ZBTB20: variants seen among roughly 807,000 people sequenced by gnomAD.
ZBTB20 encodes the protein zinc finger and BTB domain containing 20.
In ZBTB20, 9 loss-of-function variants were observed where a neutral mutation model predicts 56.9. The observed-to-expected ratio is 0.16, with a 90% CI of 0.10 to 0.28. ZBTB20 has a LOEUF of 0.28. ZBTB20 is among the 10% of genes least tolerant of loss of function. ZBTB20 has a pLI of 1.00. For synonymous variants in ZBTB20, 417 were observed against 420.7 expected (o/e 0.99, Z 0.11); for missense variants, 655 against 1,003.0 (o/e 0.65, Z 4.69).
At chr3:114,375,487 C>G (rs1023367511) in intron 10 of ZBTB20, among the ~76,000 whole-genome samples, 2 of 152,182 alleles carry the variant, frequency 1.3e-5, no homozygotes, top group Non-Finnish European at 2.9e-5. Context: ...ACAGCATAGA[C>G]TAAAAAGTTG....
intron 7 of ZBTB20, among the ~76,000 whole-genome samples, chr3:114,492,816 A>G (rs1183503225): frequency 1.3e-5 from 2 of 152,236 alleles, no homozygotes; most frequent in Non-Finnish European, 2.9e-5. Context: ...ACTGTAGTAC[A>G]ATATCACAAT....
intron 1 of ZBTB20, among the ~76,000 whole-genome samples, chr3:115,112,671 T>C (rs530627839): frequency 6.6e-6 from 1 of 152,348 alleles, no homozygotes; most frequent in East Asian, 1.9e-4. Context: ...ATTGTGTGTA[T>C]ATATGCCACA....
intron 4 of ZBTB20, among the ~76,000 whole-genome samples, chr3:114,819,522 G>A (rs1442570158): frequency 3.3e-5 from 5 of 151,928 alleles, no homozygotes; most frequent in African/African-American, 1.2e-4. Flanking sequence ...AGATCCTAAT[G>A]TTGATAAAAA....
intron 10 of ZBTB20, among the ~76,000 whole-genome samples, chr3:114,355,234 A>G (rs1217563295): frequency 1.3e-5 from 2 of 152,178 alleles, no homozygotes; most frequent in Non-Finnish European, 2.9e-5. Flanking sequence ...AATTTTGTTC[A>G]TCTAAACAAT....
At chr3:114,745,656 A>C (rs755392859) in intron 5 of ZBTB20, among the ~76,000 whole-genome samples, 9 of 152,178 alleles carry the variant, frequency 5.9e-5, no homozygotes, top group Non-Finnish European at 1.3e-4. Flanking sequence ...AATATCTCAC[A>C]CTTCCAACTT....
At chr3:114,723,140 C>A (rs1469638696) in intron 5 of ZBTB20, among the ~76,000 whole-genome samples, 1 of 151,992 alleles carries the variant, frequency 6.6e-6, no homozygotes, top group Non-Finnish European at 1.5e-5. Flanking sequence ...CAAGGTTATA[C>A]CCTTCCCTTT....
chr3:115,035,785 C>T (rs983999694), intron 2 of ZBTB20, among the ~76,000 whole-genome samples: 3 of 152,008 alleles, frequency 2.0e-5, no homozygotes, highest in Admixed American at 6.5e-5. Context: ...TTCACAACAC[C>T]CATATTCACA....
intron 6 of ZBTB20, among the ~76,000 whole-genome samples, chr3:114,589,086 C>T (rs897183125): frequency 1.3e-5 from 2 of 152,106 alleles, no homozygotes; most frequent in Admixed American, 1.3e-4. Flanking sequence ...TACTTCTCAC[C>T]AGGTCCCTCC....
At chr3:114,759,491 G>A (rs2068281894) in intron 5 of ZBTB20, among the ~76,000 whole-genome samples, 1 of 152,134 alleles carries the variant, frequency 6.6e-6, no homozygotes, top group African/African-American at 2.4e-5. Context: ...TGCCAACACA[G>A]TCATTGGGCA....
chr3:115,128,865 C>T (rs941327571), intron 1 of ZBTB20, among the ~76,000 whole-genome samples: 2 of 151,920 alleles, frequency 1.3e-5, no homozygotes, highest in Admixed American at 6.6e-5. Context: ...TTTGGGAAGC[C>T]CAGGCAGGCA....
chr3:114,733,950 T>G (rs1274223), intron 5 of ZBTB20, among the ~76,000 whole-genome samples: 145,978 of 152,184 alleles, frequency 0.96, 70,331 homozygotes, highest in East Asian at 1. Flanking sequence ...TTTCCTTCAG[T>G]AGCTTTAGCT....
chr3:114,741,267 T>G (rs1389290476), intron 5 of ZBTB20, among the ~76,000 whole-genome samples: 1 of 152,280 alleles, frequency 6.6e-6, no homozygotes, highest in East Asian at 1.9e-4. Flanking sequence ...GCAAGTGACC[T>G]AGTACTACAA....
chr3:115,000,144 G>A (rs1043268952), intron 2 of ZBTB20, among the ~76,000 whole-genome samples: 2 of 151,520 alleles, frequency 1.3e-5, no homozygotes, highest in East Asian at 3.9e-4. Flanking sequence ...TGAAGGCACT[G>A]TTATCAAATA....
intron 5 of ZBTB20, among the ~76,000 whole-genome samples, chr3:114,744,560 A>G (rs187607646): frequency 2.2e-4 from 34 of 152,296 alleles, no homozygotes; most frequent in Admixed American, 2.0e-3. Context: ...TGAAAAACAA[A>G]GAGCGAGGGA....
chr3:114,460,284 G>A (rs780143597), intron 7 of ZBTB20, among the ~76,000 whole-genome samples: 6 of 152,120 alleles, frequency 3.9e-5, no homozygotes, highest in African/African-American at 1.2e-4. Context: ...ATAGTAGGCT[G>A]AGGAATGGCC....
At chr3:114,858,849 C>A (rs990036835) in intron 4 of ZBTB20, among the ~76,000 whole-genome samples, 12 of 151,922 alleles carry the variant, frequency 7.9e-5, no homozygotes, top group African/African-American at 2.9e-4. Flanking sequence ...TGACATATAC[C>A]AGCCCACCAT....
chr3:114,910,311 A>G (rs1032648526), intron 3 of ZBTB20, among the ~76,000 whole-genome samples: 1 of 151,714 alleles, frequency 6.6e-6, no homozygotes, highest in Non-Finnish European at 1.5e-5. Flanking sequence ...GCGTGCACAC[A>G]CACACACACA....
At chr3:115,097,818 A>G (rs1428238820) in intron 1 of ZBTB20, among the ~76,000 whole-genome samples, 1 of 152,198 alleles carries the variant, frequency 6.6e-6, no homozygotes, top group Non-Finnish European at 1.5e-5. Context: ...ATCCCTATAC[A>G]GCAGAGTACA....
At position 114,339,130 on chromosome 3, in the gene ZBTB20, C is replaced by G. The variant is rs372178865; in HGVS notation, c.2101G>C (p.Ala701Pro). The G allele has an allele frequency of 1.1e-5, 17 of 1,611,772 alleles. No homozygotes were observed. The highest frequency in any genetic ancestry group is 1.3e-5 in the Non-Finnish European group (15 of 1,178,524). ...CAGGCCACCACGCCTGGGGGGCCAG[C>G]GCGGGCACCTGGGGGTGTGCCTGCA... ...PPAGTPPGARAGPPGVVACTE... is the reference protein window; with the variant it reads ...PPAGTPPGARPGPPGVVACTE... The change falls in exon 12 of 12, where the codon GCT (alanine) becomes CCT (proline). Residue 701 changes from alanine to proline, a missense_variant. This residue lies in a region of ZBTB20 where 89 missense variants were observed against 79.7 expected (regional missense o/e 1.12). Transcript: ENST00000675478. This position sits in a 1 kb window ranked among gnomAD's most constrained non-coding sequence, Gnocchi z 4.2.
Sources: gnomAD v4.1 joint callset for allele counts (sites outside exome capture counted in the v4.1 genomes callset) on GRCh38, gnomAD v4.1.1 for gene constraint, gnomAD v4.1.1 regional missense constraint, Gnocchi (gnomAD v3.1) non-coding constraint, MANE v1.5 for transcripts, NCBI Gene and HGNC (gene_info 2026-07-23, HGNC 2026-07-21) for gene names.